The following TRAF3 variants were observed in gnomAD, a reference collection of about 807,000 sequenced individuals.
TRAF3 encodes the protein TNF receptor associated factor 3, also known as TNF receptor-associated factor 3.
Under a neutral mutation model 62.3 loss-of-function variants are expected in TRAF3, and 13 were observed. That is an observed-to-expected ratio of 0.21 (90% confidence interval 0.14 to 0.33). The LOEUF (loss-of-function observed/expected upper bound fraction) is 0.33, where lower values mean the gene tolerates loss of function less well. TRAF3 is among the 10% of genes least tolerant of loss of function. The pLI, the probability that TRAF3 is intolerant of heterozygous loss-of-function variation, is 1.00. For synonymous variants in TRAF3, 269 were observed against 283.4 expected (o/e 0.95, Z 0.51); for missense variants, 440 against 741.8 (o/e 0.59, Z 4.73).
At chr14:102,870,536 T>C in intron 3 of TRAF3, 90 bp downstream of exon 3, 1 of 1,533,112 alleles carries the variant, frequency 6.5e-7, no homozygotes, top group South Asian at 1.2e-5. Context: ...AATAAACCTC[T>C]AGAGGTTTAA....
chr14:102,824,812 C>G (rs940863668), intron 1 of TRAF3, among the ~76,000 whole-genome samples: 23 of 152,228 alleles, frequency 1.5e-4, no homozygotes, highest in African/African-American at 5.3e-4. Flanking sequence ...GTAGGTCTCT[C>G]ATCATATATC....
At chr14:102,842,192 C>T (rs984178406) in intron 2 of TRAF3, among the ~76,000 whole-genome samples, 1 of 150,268 alleles carries the variant, frequency 6.7e-6, no homozygotes, top group Non-Finnish European at 1.5e-5. Flanking sequence ...TGCAGTGAGC[C>T]GAGATCACAC....
chr14:102,889,703 A>G lies in TRAF3; in HGVS notation c.726+69A>G, dbSNP rs1294342449. 4.5e-6 allele frequency: 7 copies of G among 1,550,058 alleles called. No individual in the cohort carries two copies. The African/African-American group carries it at 6.8e-5, about 15-fold the overall frequency. Reference sequence around the variant, plus strand: ...CATGAGAGAAAGTTATTATATTAACATTTTAACATGCAAGCTCTGGACTCC... The same window carrying G: ...CATGAGAGAAAGTTATTATATTAACGTTTTAACATGCAAGCTCTGGACTCC... On this transcript the variant is annotated intron_variant, in intron 8 of 11. Coordinates refer to ENST00000392745, the MANE Select transcript of TRAF3 (RefSeq NM_145725.3).
chr14:102,805,567 G>T (rs1448408930), intron 1 of TRAF3, among the ~76,000 whole-genome samples: 2 of 152,194 alleles, frequency 1.3e-5, no homozygotes, highest in Non-Finnish European at 2.9e-5. Flanking sequence ...CAAGACTACT[G>T]TTGGGTTCTC....
intron 2 of TRAF3, among the ~76,000 whole-genome samples, chr14:102,860,771 A>G (rs1382983173): frequency 6.6e-6 from 1 of 152,266 alleles, no homozygotes; most frequent in Non-Finnish European, 1.5e-5. Context: ...AGCATTGGGC[A>G]GTTTCCACTG....
In TRAF3 at chr14:102,905,891, G is replaced by C; in HGVS notation, c.*107G>C. On this transcript the variant is annotated 3_prime_UTR_variant, in exon 12 of 12. Coordinates refer to ENST00000392745, the MANE Select transcript of TRAF3 (RefSeq NM_145725.3). ...GCTCAGAAAAGGACCTTGTGAGACG[G>C]AGGAAGCGGCAGAAGGCGGACGCGT... 1 of 1,088,266 alleles carries C rather than the reference G, an allele frequency of 9.2e-7. No individual in the cohort carries two copies. Among genetic ancestry groups the C allele is most frequent in the Non-Finnish European group, 1.3e-6 (1 of 757,954 alleles). 67.4% of individuals were successfully genotyped at this position (1,088,266 alleles called of 1,614,324 possible). A position where few individuals can be genotyped will look rare whatever the true frequency, so the allele number is the denominator to read the frequency against.
chr14:102,905,645 A>G lies in TRAF3; in HGVS notation c.1568A>G (p.Lys523Arg). 1 of 1,613,960 alleles carries G rather than the reference A, an allele frequency of 6.2e-7. No individual in the cohort carries two copies. Among genetic ancestry groups the G allele is most frequent in the Non-Finnish European group, 8.5e-7 (1 of 1,179,816 alleles). The change falls in exon 12 of 12, where the codon AAG (lysine) becomes AGG (arginine). Residue 523 changes from lysine to arginine, a missense_variant. This residue lies in a region of TRAF3 where 59 missense variants were observed against 120.9 expected (regional missense o/e 0.49). Transcript: ENST00000392745. Reference sequence around the variant, plus strand: ...GACCCCAACAGCAGCAGCTTCAAGAAGCCCACTGGAGAGATGAATATCGCC... The same window carrying G: ...GACCCCAACAGCAGCAGCTTCAAGAGGCCCACTGGAGAGATGAATATCGCC... ...KPDPNSSSFK[K>R]PTGEMNIASG...
At chr14:102,893,792 A>T (rs1889856225) in intron 9 of TRAF3, among the ~76,000 whole-genome samples, 1 of 152,142 alleles carries the variant, frequency 6.6e-6, no homozygotes. Flanking sequence ...TGTCCATCAG[A>T]GCAGAGTCCT....
At chr14:102,784,004 C>A (rs182605300) in intron 1 of TRAF3, among the ~76,000 whole-genome samples, 1 of 152,060 alleles carries the variant, frequency 6.6e-6, no homozygotes, top group Non-Finnish European at 1.5e-5. Context: ...TAAGATCTTA[C>A]AATGTAAATA....
chr14:102,834,665 G>T (rs1885872477), intron 2 of TRAF3, among the ~76,000 whole-genome samples: 1 of 126,342 alleles, frequency 7.9e-6, no homozygotes, highest in Non-Finnish European at 1.5e-5. Context: ...TCCAGCCTGG[G>T]TGACAGAGCG....
At position 102,826,404 on chromosome 14, in the gene TRAF3, G is replaced by T. The variant is rs538753617; in HGVS notation, c.-156-3930G>T. On this transcript the variant is annotated intron_variant, in intron 1 of 11. Coordinates refer to ENST00000392745, the MANE Select transcript of TRAF3 (RefSeq NM_145725.3). The surrounding 1 kb of genome is among the most constrained non-coding windows in gnomAD (Gnocchi z 4.6). ...CCCTGACCGCCACTGCAGGGCTTCT[G>T]TGCGGGGGCAGCTGCAGAGCCGCCG... Among the ~76,000 whole-genome samples, 2 of 152,342 alleles carry T rather than the reference G, an allele frequency of 1.3e-5. No individual in the cohort carries two copies. The highest frequency in any genetic ancestry group is 4.8e-5 in the African/African-American group (2 of 41,572).
At chr14:102,828,384 A>G (rs746963790) in intron 1 of TRAF3, among the ~76,000 whole-genome samples, 4 of 152,186 alleles carry the variant, frequency 2.6e-5, no homozygotes, top group Non-Finnish European at 5.9e-5. Context: ...AGGAGGAGAT[A>G]ATGAAGGTAA....
chr14:102,906,834 C>G lies in TRAF3; in HGVS notation c.*1050C>G, dbSNP rs1437859018. On this transcript the variant is annotated 3_prime_UTR_variant, in exon 12 of 12. Coordinates refer to ENST00000392745, the MANE Select transcript of TRAF3 (RefSeq NM_145725.3). ...CAGGTGTGTTTCTCCATCCCGTCAT[C>G]TTGCTGCATGCCGTCAACGGTCTCC... The G allele has an allele frequency of 6.6e-6, 1 of 152,210 alleles. No homozygotes were observed. The highest frequency in any genetic ancestry group is 2.4e-5 in the African/African-American group (1 of 41,450). The allele number at this position is 152,210 out of a possible 1,614,324, so 9.4% of individuals were successfully genotyped here.
chr14:102,811,925 T>TTTTTTTTTTTTTTTTTTTTTTA, intron 1 of TRAF3, among the ~76,000 whole-genome samples: 1 of 110,806 alleles, frequency 9.0e-6, no homozygotes, highest in African/African-American at 3.5e-5. Context: ...TTTTTTTTTT[T>TTTTTTTTTTTTTTTTTTTTTTA]TTTTTTTTTT....
intron 2 of TRAF3, among the ~76,000 whole-genome samples, chr14:102,864,585 G>A (rs1463776010): frequency 1.3e-5 from 2 of 152,078 alleles, no homozygotes; most frequent in East Asian, 1.9e-4. Context: ...GATCAGTTTC[G>A]AGGTTGCCAA....
At chr14:102,781,792 ATTTTTT>A (rs916288245) in intron 1 of TRAF3, among the ~76,000 whole-genome samples, 2 of 111,250 alleles carry the variant, frequency 1.8e-5, no homozygotes, top group African/African-American at 6.9e-5. Context: ...ACGCTTGGCT[ATTTTTT>A]TTTTTTTTTT....
intron 2 of TRAF3, among the ~76,000 whole-genome samples, chr14:102,850,662 C>T (rs2139726464): frequency 7.4e-6 from 1 of 135,110 alleles, no homozygotes; most frequent in African/African-American, 3.0e-5. Flanking sequence ...TGCACTCCAG[C>T]CTGGGCGATA....
At chr14:102,814,570 A>G (rs1899401763) in intron 1 of TRAF3, among the ~76,000 whole-genome samples, 1 of 152,008 alleles carries the variant, frequency 6.6e-6, no homozygotes, top group South Asian at 2.1e-4. Flanking sequence ...TCTAGGCTGG[A>G]GTGCAGTGGC....
At chr14:102,816,398 C>A (rs1899523723) in intron 1 of TRAF3, among the ~76,000 whole-genome samples, 1 of 152,128 alleles carries the variant, frequency 6.6e-6, no homozygotes, top group South Asian at 2.1e-4. Context: ...CTACCATACA[C>A]CGATTGTACA....
Sources: gnomAD v4.1 joint callset for allele counts (sites outside exome capture counted in the v4.1 genomes callset) on GRCh38, gnomAD v4.1.1 for gene constraint, gnomAD v4.1.1 regional missense constraint, Gnocchi (gnomAD v3.1) non-coding constraint, MANE v1.5 for transcripts, NCBI Gene and HGNC (gene_info 2026-07-23, HGNC 2026-07-21) for gene names.